LRRTM4: variants seen among roughly 807,000 people sequenced by gnomAD.
The protein encoded by LRRTM4 is leucine rich repeat transmembrane neuronal 4.
A neutral mutation model predicts 47.6 loss-of-function variants in LRRTM4; 25 were observed. The ratio of observed to expected loss-of-function variants is 0.53; its 90% CI spans 0.38 to 0.73. The LOEUF (loss-of-function observed/expected upper bound fraction) is 0.73, where lower values mean the gene tolerates loss of function less well. Among genes scored for constraint, LRRTM4 ranks in the 30% least tolerant of loss-of-function variants. LRRTM4 has a pLI of 0.00. For missense variants in LRRTM4, 638 were observed against 713.4 expected, an observed-to-expected ratio of 0.89 and a Z score of 1.20; for synonymous variants, 311 against 269.5, an observed-to-expected ratio of 1.15 and a Z score of -1.51.
At chr2:77,045,548 G>A (rs1055704535) in intron 3 of LRRTM4, among the ~76,000 whole-genome samples, 2 of 151,910 alleles carry the variant, frequency 1.3e-5, no homozygotes, top group African/African-American at 4.8e-5. Flanking sequence ...CCCAGTGGGA[G>A]GTAATTGAAT....
intron 3 of LRRTM4, among the ~76,000 whole-genome samples, chr2:77,189,444 T>C (rs1323345634): frequency 6.6e-6 from 1 of 152,142 alleles, no homozygotes; most frequent in Admixed American, 6.6e-5. Flanking sequence ...CCCAATGTGA[T>C]GTTATTAGAA....
intron 3 of LRRTM4, among the ~76,000 whole-genome samples, chr2:76,873,520 A>ATATATATATATG (rs1672696131): frequency 5.6e-5 from 8 of 143,564 alleles, no homozygotes; most frequent in African/African-American, 2.1e-4. Context: ...ATATATATAT[A>ATATATATATATG]TATATATATA....
chr2:77,038,036 A>T lies in LRRTM4; in HGVS notation c.1552-289120T>A, dbSNP rs141954131. Among the ~76,000 whole-genome samples, 571 of 151,752 alleles carry T rather than the reference A, an allele frequency of 3.8e-3. 1 individual carries two copies. The highest frequency in any genetic ancestry group is 0.013 in the African/African-American group (540 of 41,508). ...CTTGAATAACCTATATAATTATAGT[A>T]AGCAGACTTTCTCCCCAGTGATGTG... On this transcript the variant is annotated intron_variant, in intron 3 of 3. Coordinates refer to ENST00000409884, the MANE Select transcript of LRRTM4 (RefSeq NM_001134745.3).
rs1285815550 is a variant in LRRTM4 at position 77,079,751 on chromosome 2, GTGCTATTTATTAAATAGGTAAC to G, written c.1552-330857_1552-330836del. On this transcript the variant is annotated intron_variant, in intron 3 of 3. Transcript: ENST00000409884. ...TAATTATTAGTTAAAAGTTAGGTAAGTGCTATTTATTAAATAGGTAACTGCTATTTATTAAATAATAGAATGA... is the reference window on the plus strand; with the variant it reads ...TAATTATTAGTTAAAAGTTAGGTAAGTGCTATTTATTAAATAATAGAATGA... Among the ~76,000 whole-genome samples the G allele has an allele frequency of 3.9e-5, 6 of 152,204 alleles. No individual in the cohort carries two copies. In the South Asian group the frequency reaches 1.2e-3, roughly 32 times the overall value.
At chr2:77,422,862 T>C (rs1674956354) in intron 3 of LRRTM4, among the ~76,000 whole-genome samples, 1 of 152,140 alleles carries the variant, frequency 6.6e-6, no homozygotes. Context: ...ATTCTCTTTA[T>C]TGTATGTTTT....
intron 3 of LRRTM4, among the ~76,000 whole-genome samples, chr2:77,113,775 G>C (rs200673630): frequency 6.6e-6 from 1 of 152,068 alleles, no homozygotes; most frequent in South Asian, 2.1e-4. Flanking sequence ...AGGGCGAGGG[G>C]CTGCAGAGGA....
intron 3 of LRRTM4, among the ~76,000 whole-genome samples, chr2:77,044,541 GGT>G (rs369108787): frequency 1.3e-5 from 2 of 151,354 alleles, no homozygotes; most frequent in Non-Finnish European, 3.0e-5. Context: ...ATTAGTCAAG[GGT>G]GTGTGTGTCT....
chr2:77,435,692 A>G (rs1290299129), intron 3 of LRRTM4, among the ~76,000 whole-genome samples: 2 of 152,172 alleles, frequency 1.3e-5, no homozygotes, highest in Admixed American at 1.3e-4. Context: ...TTAAGAAACT[A>G]CAACACACAG....
intron 3 of LRRTM4, among the ~76,000 whole-genome samples, chr2:77,391,580 G>C (rs1245828932): frequency 6.6e-6 from 1 of 151,892 alleles, no homozygotes; most frequent in African/African-American, 2.4e-5. Flanking sequence ...TACCTCGTAT[G>C]CCAAGAAGTG....
intron 3 of LRRTM4, among the ~76,000 whole-genome samples, chr2:76,761,017 C>A (rs1187324684): frequency 6.6e-6 from 1 of 152,220 alleles, no homozygotes; most frequent in East Asian, 1.9e-4. Context: ...ATCAAAATTT[C>A]TAGGGTATGG....
chr2:77,185,976 A>T (rs535196379), intron 3 of LRRTM4, among the ~76,000 whole-genome samples: 1 of 152,312 alleles, frequency 6.6e-6, no homozygotes, highest in African/African-American at 2.4e-5. Flanking sequence ...AGTGTTCAGC[A>T]TGTAGTAATT....
At chr2:77,027,104 G>A (rs1025625712) in intron 3 of LRRTM4, among the ~76,000 whole-genome samples, 6 of 151,866 alleles carry the variant, frequency 4.0e-5, no homozygotes, top group Admixed American at 2.0e-4. Flanking sequence ...CCTCCCCAAT[G>A]CCCCTCTTTC....
intron 3 of LRRTM4, among the ~76,000 whole-genome samples, chr2:77,078,626 G>A (rs1368780495): frequency 2.0e-5 from 3 of 152,128 alleles, no homozygotes; most frequent in Non-Finnish European, 4.4e-5. Flanking sequence ...TTGGGGAGAT[G>A]CTACCTTTTG....
chr2:77,026,443 T>A (rs761759451), intron 3 of LRRTM4, among the ~76,000 whole-genome samples: 12 of 151,998 alleles, frequency 7.9e-5, no homozygotes, highest in Non-Finnish European at 1.6e-4. Context: ...ATCATGGGAG[T>A]GGTTGTCTCA....
At chr2:77,113,813 G>GA (rs774878544) in intron 3 of LRRTM4, among the ~76,000 whole-genome samples, 1 of 152,106 alleles carries the variant, frequency 6.6e-6, no homozygotes, top group Non-Finnish European at 1.5e-5. Context: ...AATTATAGGT[G>GA]AATTGTAGTT....
At chr2:77,231,444 C>A (rs1028120959) in intron 3 of LRRTM4, among the ~76,000 whole-genome samples, 6 of 151,886 alleles carry the variant, frequency 4.0e-5, no homozygotes, top group African/African-American at 1.5e-4. Flanking sequence ...TAGTCCATGG[C>A]CTGTTTTTAC....
At chr2:76,969,284 T>C (rs1207887717) in intron 3 of LRRTM4, among the ~76,000 whole-genome samples, 1 of 151,942 alleles carries the variant, frequency 6.6e-6, no homozygotes, top group Non-Finnish European at 1.5e-5. Context: ...CTTGTATAAG[T>C]TCTAGTAACT....
intron 3 of LRRTM4, among the ~76,000 whole-genome samples, chr2:76,988,568 G>A (rs1676888756): frequency 1.3e-5 from 2 of 151,564 alleles, no homozygotes; most frequent in South Asian, 2.1e-4. Context: ...TCACCCCTTC[G>A]AATTCCTCAA....
rs139607021 is a variant in LRRTM4, at chr2:76,810,432, G to C, written c.1552-61516C>G. On this transcript the variant is annotated intron_variant, in intron 3 of 3. Transcript: ENST00000409884. Reference sequence around the variant, plus strand: ...TTTTCTTATAATCTTATCACACTGAGTTTTATTATTTTTGCTCTTATGTTT... The same window carrying C: ...TTTTCTTATAATCTTATCACACTGACTTTTATTATTTTTGCTCTTATGTTT... 2.4e-3 allele frequency among the ~76,000 whole-genome samples: 370 copies of C among 152,156 alleles called. 6 individuals carry two copies. Among genetic ancestry groups the C allele is most frequent in the African/African-American group, 8.6e-3 (356 of 41,536 alleles).
Sources: allele counts gnomAD v4.1 joint callset (sites outside exome capture counted in the v4.1 genomes callset), GRCh38; gene constraint gnomAD v4.1.1; transcripts MANE v1.5; gene names NCBI Gene and HGNC (gene_info 2026-07-23, HGNC 2026-07-21).